The following CEP128 variants were observed in gnomAD, a reference collection of about 807,000 sequenced individuals.
CEP128 encodes the protein centrosomal protein 128, also known as centrosomal protein 128kDa.
Under a neutral mutation model 156.7 loss-of-function variants are expected in CEP128, and 132 were observed. The observed-to-expected ratio is 0.84, with a 90% confidence interval of 0.73 to 0.97. The LOEUF (loss-of-function observed/expected upper bound fraction) is 0.97, where lower values mean the gene tolerates loss of function less well. Ranked by LOEUF, CEP128 falls within the 50% of genes least tolerant of loss-of-function variation. CEP128 has a pLI of 0.00. For missense variants in CEP128, 1,252 were observed against 1,281.9 expected (o/e 0.98, Z 0.36); for synonymous variants, 469 against 448.9 (o/e 1.04, Z -0.57).
intron 13 of CEP128, among the ~76,000 whole-genome samples, chr14:80,807,389 C>T (rs1317888188): frequency 6.6e-6 from 1 of 152,100 alleles, no homozygotes; most frequent in African/African-American, 2.4e-5. Flanking sequence ...CACAGACACC[C>T]GCTCTCTGCA....
chr14:80,946,920 TAGTG>T (rs746164140), intron 2 of CEP128, among the ~76,000 whole-genome samples: 3 of 152,220 alleles, frequency 2.0e-5, no homozygotes, highest in African/African-American at 4.8e-5. Flanking sequence ...GTTCTCATAA[TAGTG>T]AGTGAGTTAT....
intron 21 of CEP128, among the ~76,000 whole-genome samples, chr14:80,553,944 T>C (rs1371657489): frequency 1.3e-5 from 2 of 152,196 alleles, no homozygotes; most frequent in Non-Finnish European, 1.5e-5. Context: ...TTCCTGGTCA[T>C]AGAGGAGGAC....
intron 19 of CEP128, among the ~76,000 whole-genome samples, chr14:80,644,104 C>T (rs934392319): frequency 6.6e-6 from 1 of 152,114 alleles, no homozygotes; most frequent in Non-Finnish European, 1.5e-5. Flanking sequence ...CCAAGTAACG[C>T]TAAAGATTGC....
intron 13 of CEP128, among the ~76,000 whole-genome samples, chr14:80,820,907 AAAT>A: frequency 6.6e-6 from 1 of 152,182 alleles, no homozygotes; most frequent in Non-Finnish European, 1.5e-5. Context: ...GGTTCCCACA[AAAT>A]AATATATTCT....
intron 23 of CEP128, chr14:80,526,590 G>C (rs181361121): frequency 8.5e-6 from 2 of 235,626 alleles, no homozygotes; most frequent in African/African-American, 4.5e-5. Flanking sequence ...GTGACCAGGG[G>C]TTTCTTGGCT....
chr14:80,838,284 G>A lies in CEP128; in HGVS notation c.850-6C>T. On this transcript the variant is annotated splice_polypyrimidine_tract_variant and splice_region_variant and intron_variant, in intron 10 of 24. Coordinates refer to ENST00000555265, the MANE Select transcript of CEP128 (RefSeq NM_152446.5). ...AGCTCCAATTCCTGTTCAAGCTAGA[G>A]TTTCAACAAAGGATAAAGAAAAATG... is the stretch of plus-strand genomic sequence containing the variant. 3.7e-6 allele frequency: 6 copies of A among 1,608,946 alleles called. No homozygotes were observed. Among genetic ancestry groups the A allele is most frequent in the South Asian group, 1.1e-5 (1 of 90,832 alleles).
downstream of CEP128, among the ~76,000 whole-genome samples, chr14:80,487,597 C>G (rs138598957): frequency 1.3e-5 from 2 of 152,222 alleles, no homozygotes; most frequent in African/African-American, 4.8e-5. Flanking sequence ...CACACCAAAC[C>G]TACTCCAAAA....
intron 20 of CEP128, among the ~76,000 whole-genome samples, chr14:80,562,379 A>G (rs949701925): frequency 5.3e-5 from 8 of 152,192 alleles, no homozygotes; most frequent in African/African-American, 1.9e-4. Flanking sequence ...AACAATAGCT[A>G]ATAAGATACC....
At chr14:80,902,453 T>C (rs373224377) in intron 6 of CEP128, among the ~76,000 whole-genome samples, 2 of 152,174 alleles carry the variant, frequency 1.3e-5, no homozygotes, top group East Asian at 3.9e-4. Flanking sequence ...GATTGTGTTG[T>C]CTCGTTATGC....
intron 13 of CEP128, among the ~76,000 whole-genome samples, chr14:80,811,045 T>A (rs868313803): frequency 2.2e-4 from 33 of 152,182 alleles, no homozygotes; most frequent in African/African-American, 7.7e-4. Flanking sequence ...GGTGTTTGGT[T>A]TTTTGTTCCT....
Position 80,951,352 on chromosome 14 carries a change from A to G in CEP128, c.-172+6826T>C, listed in dbSNP as rs542968672. On this transcript the variant is annotated intron_variant, in intron 2 of 7. Transcript: ENST00000555529. ...GGCGATGGAAGCATAAAGGTTAGGCAGGAGAGGAGAAATGGAGTATAAACA... is the reference window on the plus strand; with the variant it reads ...GGCGATGGAAGCATAAAGGTTAGGCGGGAGAGGAGAAATGGAGTATAAACA... Among the ~76,000 whole-genome samples the G allele has an allele frequency of 3.3e-5, 5 of 152,292 alleles. No individual in the cohort carries two copies. In the East Asian group the frequency reaches 9.6e-4, roughly 29 times the overall value.
At chr14:80,741,135 C>T (rs1898811434) in intron 19 of CEP128, among the ~76,000 whole-genome samples, 1 of 152,042 alleles carries the variant, frequency 6.6e-6, no homozygotes, top group South Asian at 2.1e-4. Context: ...AAAAAAGAGT[C>T]ACTATTTCAG....
chr14:80,747,712 C>A (rs1047931519), intron 18 of CEP128, among the ~76,000 whole-genome samples: 1 of 152,174 alleles, frequency 6.6e-6, no homozygotes, highest in Non-Finnish European at 1.5e-5. Context: ...GAGGCTGAGG[C>A]AGGAGAATTG....
upstream of CEP128, among the ~76,000 whole-genome samples, chr14:80,946,404 G>C (rs1886345917): frequency 7.6e-6 from 1 of 131,424 alleles, no homozygotes; most frequent in African/African-American, 3.9e-5. Flanking sequence ...TTTCCCTTTT[G>C]AAGCCTAAGA....
At chr14:80,630,285 A>G (rs1443103880) in intron 19 of CEP128, among the ~76,000 whole-genome samples, 2 of 152,042 alleles carry the variant, frequency 1.3e-5, no homozygotes, top group Non-Finnish European at 2.9e-5. Context: ...AAAGCAATTC[A>G]TTGTAAATTA....
chr14:80,617,257 G>GT (rs1893259181), intron 19 of CEP128, among the ~76,000 whole-genome samples: 1 of 77,910 alleles, frequency 1.3e-5, no homozygotes, highest in Non-Finnish European at 2.4e-5. Context: ...TTGAGACGGA[G>GT]TGTTGCTCTG....
intron 1 of CEP128, among the ~76,000 whole-genome samples, chr14:80,940,237 G>C (rs1012035422): frequency 6.6e-6 from 1 of 152,160 alleles, no homozygotes; most frequent in Admixed American, 6.5e-5. Flanking sequence ...AAGAGACCCA[G>C]GTTATGCAAT....
intron 19 of CEP128, among the ~76,000 whole-genome samples, chr14:80,676,932 G>T (rs1229716613): frequency 4.6e-5 from 7 of 152,064 alleles, no homozygotes; most frequent in African/African-American, 1.7e-4. Context: ...TTATGATTGT[G>T]AATGAAATGA....
chr14:80,853,230 T>C (rs1458761935), intron 9 of CEP128, among the ~76,000 whole-genome samples: 2 of 151,738 alleles, frequency 1.3e-5, no homozygotes, highest in Non-Finnish European at 3.0e-5. Flanking sequence ...CATACAAATA[T>C]AGAAGTAACA....
Sources: allele counts gnomAD v4.1 joint callset (sites outside exome capture counted in the v4.1 genomes callset), GRCh38; gene constraint gnomAD v4.1.1; transcripts MANE v1.5; gene names NCBI Gene and HGNC (gene_info 2026-07-23, HGNC 2026-07-21).